Variants in FAR1 observed in about 807,000 individuals in gnomAD.
FAR1 encodes the protein male sterility domain-containing protein 2.
FAR1 carries 22 observed loss-of-function variants against 61.1 expected under a neutral mutation model. The observed-to-expected ratio is 0.36, with a 90% confidence interval of 0.26 to 0.51. FAR1 has a LOEUF of 0.51. FAR1 is among the 20% of genes least tolerant of loss of function. The pLI, the probability that FAR1 is intolerant of heterozygous loss-of-function variation, is 0.95. For synonymous variants in FAR1, 206 were observed against 209.7 expected, an observed-to-expected ratio of 0.98 and a Z score of 0.15; for missense variants, 359 against 626.9, an observed-to-expected ratio of 0.57 and a Z score of 4.56.
In FAR1 at chr11:13,702,757, G is replaced by A. The variant is rs866888460; in HGVS notation, c.365+2265G>A. Among the ~76,000 whole-genome samples the A allele has an allele frequency of 2.6e-5, 4 of 152,136 alleles. No individual in the cohort carries two copies. The East Asian group carries it at 5.8e-4, about 22-fold the overall frequency. On this transcript the variant is annotated intron_variant, in intron 3 of 11. Transcript: ENST00000354817. ...GTAGTATAGTCTTCATTGACTTAACGAGGAAAGTTATATGCTTTGAAAGGT... is the reference window on the plus strand; with the variant it reads ...GTAGTATAGTCTTCATTGACTTAACAAGGAAAGTTATATGCTTTGAAAGGT...
At chr11:13,696,203 A>C (rs552765077) in intron 2 of FAR1, among the ~76,000 whole-genome samples, 1 of 150,692 alleles carries the variant, frequency 6.6e-6, no homozygotes, top group Admixed American at 6.6e-5. Flanking sequence ...TTCTCCTGAT[A>C]CTCCTCTCCC....
chr11:13,731,271 G>A lies in FAR1; in HGVS notation c.*2497G>A, dbSNP rs1197967401. On this transcript the variant is annotated 3_prime_UTR_variant, in exon 12 of 12. Transcript: ENST00000354817. ...GCAGTACGTTCTTTGACTTAAGGAT[G>A]GCATAAAATAATCATTTTTGAACCT... 2 of 152,522 alleles carry A rather than the reference G, an allele frequency of 1.3e-5. No homozygotes were observed. Among genetic ancestry groups the A allele is most frequent in the Non-Finnish European group, 2.9e-5 (2 of 67,994 alleles). The allele number at this position is 152,522 out of a possible 1,614,324, so 9.4% of individuals were successfully genotyped here.
At chr11:13,726,231 A>G (rs1848665852) in intron 10 of FAR1, among the ~76,000 whole-genome samples, 1 of 152,050 alleles carries the variant, frequency 6.6e-6, no homozygotes, top group African/African-American at 2.4e-5. Context: ...CAGCTTATGC[A>G]ATAAATATTC....
chr11:13,718,450 C>A (rs1848576835), intron 9 of FAR1, among the ~76,000 whole-genome samples: 1 of 152,214 alleles, frequency 6.6e-6, no homozygotes, highest in African/African-American at 2.4e-5. Context: ...CAAGCCCTCA[C>A]CAACAGCTTT....
rs34341612 is a variant in FAR1 at position 13,721,778 on chromosome 11, A to G, written c.1176A>G (p.Glu392=). The change falls in exon 10 of 12, where the codon GAA becomes GAG. Residue 392 remains glutamate, a synonymous_variant. Coordinates refer to ENST00000354817, the MANE Select transcript of FAR1 (RefSeq NM_032228.6). The surrounding 1 kb of genome is among the most constrained non-coding windows in gnomAD (Gnocchi z 4.2). ...TRLHKAMVFL[E]YFTSNSWVWN... ...TTCACAAAGCTATGGTGTTTCTTGA[A>G]TATTTCACAAGTAATTCTTGGGTTT... The G allele has an allele frequency of 0.013, 21,288 of 1,611,196 alleles. 188 individuals carry two copies. The highest frequency in any genetic ancestry group is 0.025 in the South Asian group (2,249 of 90,856).
intron 1 of FAR1, among the ~76,000 whole-genome samples, chr11:13,672,540 G>A (rs1221040782): frequency 7.6e-6 from 1 of 131,724 alleles, no homozygotes; most frequent in African/African-American, 2.9e-5. Context: ...GTGAGACCCT[G>A]TCTCAAAAAA....
At chr11:13,722,843 C>CCTCTCTCTCT (rs140943706) in intron 10 of FAR1, among the ~76,000 whole-genome samples, 16,458 of 142,402 alleles carry the variant, frequency 0.12, 1,060 homozygotes, top group South Asian at 0.18. Flanking sequence ...TAGATTTCTC[C>CCTCTCTCTCT]CTCTCTCTCT....
intron 1 of FAR1, 90 bp from the exon 2 acceptor site, chr11:13,694,669 A>T: frequency 8.6e-7 from 1 of 1,163,204 alleles, no homozygotes; most frequent in Non-Finnish European, 1.2e-6. Flanking sequence ...TCTGCTTTTT[A>T]AAATACTTAT....
chr11:13,720,709 C>T (rs1848601551), intron 9 of FAR1: 1 of 151,816 alleles, frequency 6.6e-6, no homozygotes, highest in Non-Finnish European at 1.5e-5. Flanking sequence ...TTCTAAAACC[C>T]CTAATTTTGA....
rs1184021021 is a variant in FAR1, at chr11:13,732,110, T to A, written c.*3336T>A. 1 of 142,260 alleles carries A rather than the reference T, an allele frequency of 7.0e-6. No homozygotes were observed. Among genetic ancestry groups the A allele is most frequent in the Non-Finnish European group, 1.5e-5 (1 of 65,288 alleles). 8.8% of individuals were successfully genotyped at this position (142,260 alleles called of 1,614,324 possible). A position where few individuals can be genotyped will look rare whatever the true frequency, so the allele number is the denominator to read the frequency against. ...ACGTAACTGGATTACAGAAATGAGT[T>A]AATTGTCTCTGTGATAAAAAAAAAA... On this transcript the variant is annotated 3_prime_UTR_variant, in exon 12 of 12. Transcript: ENST00000354817.
At chr11:13,685,922 GA>G (rs1399755672) in intron 1 of FAR1, among the ~76,000 whole-genome samples, 2 of 152,162 alleles carry the variant, frequency 1.3e-5, no homozygotes, top group Non-Finnish European at 2.9e-5. Context: ...CTCCTGTCGT[GA>G]GTCATACAAC....
At chr11:13,690,409 A>G (rs1423357032) in intron 1 of FAR1, among the ~76,000 whole-genome samples, 1 of 152,078 alleles carries the variant, frequency 6.6e-6, no homozygotes, top group Non-Finnish European at 1.5e-5. Context: ...CAGTTTAGCA[A>G]TATTTTCCTT....
intron 1 of FAR1, among the ~76,000 whole-genome samples, chr11:13,693,740 CT>C (rs1848279199): frequency 6.6e-6 from 1 of 152,176 alleles, no homozygotes. Flanking sequence ...TCTGGTATGG[CT>C]ATTCTACCAA....
At position 13,700,457 on chromosome 11, in the gene FAR1, C is replaced by G; in HGVS notation, c.330C>G (p.His110Gln). 6.4e-7 allele frequency: 1 copy of G among 1,570,208 alleles called. No individual in the cohort carries two copies. Among genetic ancestry groups the G allele is most frequent in the Non-Finnish European group, 8.6e-7 (1 of 1,163,782 alleles). ...VIIDSTNIIFHCAATVRFNEN... is the reference protein window; with the variant it reads ...VIIDSTNIIFQCAATVRFNEN... The stretch of plus-strand genomic sequence containing the variant: ...TAGATTCTACCAATATTATATTCCA[C>G]TGTGCAGCTACAGTAAGGTTTAATG... Residue 110 changes from histidine to glutamine, a missense_variant, in exon 3 of 12, where the codon CAC becomes CAG. By Grantham distance (24) the His-to-Gln change is conservative. This residue lies in a region of FAR1 where 344 missense variants were observed against 570.3 expected (regional missense o/e 0.60). Coordinates refer to ENST00000354817, the MANE Select transcript of FAR1 (RefSeq NM_032228.6).
chr11:13,674,077 C>T (rs1221873312), intron 1 of FAR1, among the ~76,000 whole-genome samples: 1 of 151,926 alleles, frequency 6.6e-6, no homozygotes, highest in Non-Finnish European at 1.5e-5. Context: ...TTTGGGAGGC[C>T]GAGGTGGGCG....
At chr11:13,694,009 A>C (rs913451987) in intron 1 of FAR1, among the ~76,000 whole-genome samples, 2 of 152,186 alleles carry the variant, frequency 1.3e-5, no homozygotes, top group Admixed American at 6.5e-5. Context: ...ATCTGTATGC[A>C]TTGCTAAACA....
rs773194892 is a variant in FAR1, at chr11:13,727,251, C to CT, written c.1258-296dup. ...ATCTATGTGGACAATATAATTTTGTCTTTTTTTTTCTTTGTTTAGCAAAAT... is the reference window on the plus strand; with the variant it reads ...ATCTATGTGGACAATATAATTTTGTCTTTTTTTTTTCTTTGTTTAGCAAAAT... On this transcript the variant is annotated intron_variant, in intron 10 of 11. Coordinates refer to ENST00000354817, the MANE Select transcript of FAR1 (RefSeq NM_032228.6). 2.0e-4 allele frequency among the ~76,000 whole-genome samples: 30 copies of CT among 151,220 alleles called. No homozygotes were observed. The East Asian group carries it at 4.5e-3, about 23-fold the overall frequency.
chr11:13,706,668 TATATTG>T (rs1356956468), intron 3 of FAR1, among the ~76,000 whole-genome samples: 4 of 152,168 alleles, frequency 2.6e-5, no homozygotes, highest in Admixed American at 1.3e-4. Flanking sequence ...AAAATAACAA[TATATTG>T]ATATTAACTA....
At chr11:13,674,345 T>C (rs1848042731) in intron 1 of FAR1, among the ~76,000 whole-genome samples, 1 of 151,940 alleles carries the variant, frequency 6.6e-6, no homozygotes, top group African/African-American at 2.4e-5. Flanking sequence ...AAATTCAAAT[T>C]GAACTGTGAA....
Sources: gnomAD v4.1 joint callset for allele counts (sites outside exome capture counted in the v4.1 genomes callset) on GRCh38, gnomAD v4.1.1 for gene constraint, gnomAD v4.1.1 regional missense constraint, Gnocchi (gnomAD v3.1) non-coding constraint, MANE v1.5 for transcripts, NCBI Gene and HGNC (gene_info 2026-07-23, HGNC 2026-07-21) for gene names.